Variants in PARD3 observed in about 807,000 individuals in gnomAD.
The protein encoded by PARD3 is par-3 family cell polarity regulator, also known as partitioning defective 3 homolog.
Under a neutral mutation model 155.4 loss-of-function variants are expected in PARD3, and 75 were observed. The observed-to-expected ratio is 0.48, with a 90% CI of 0.40 to 0.58. PARD3 has a LOEUF of 0.58. PARD3 is among the 20% of genes least tolerant of loss of function. The pLI is 0.00. For synonymous variants in PARD3, 576 were observed against 610.5 expected (o/e 0.94, Z 0.83); for missense variants, 1,642 against 1,721.7 (o/e 0.95, Z 0.82).
Position 34,470,278 on chromosome 10 carries a change from G to A in PARD3, c.404-15C>T. 1.3e-6 allele frequency: 2 copies of A among 1,540,092 alleles called. No individual in the cohort carries two copies. Among genetic ancestry groups the A allele is most frequent in the East Asian group, 2.4e-5 (1 of 42,504 alleles). ...AAGAGGCATATCTGTAAACACAAAAGCACTATGCTGAAAAATAAGATACTA... is the reference window on the plus strand; with the variant it reads ...AAGAGGCATATCTGTAAACACAAAAACACTATGCTGAAAAATAAGATACTA... On this transcript the variant is annotated splice_polypyrimidine_tract_variant and intron_variant, in intron 3 of 24. Coordinates refer to ENST00000374788, the MANE Select transcript of PARD3 (RefSeq NM_001184785.2).
intron 22 of PARD3, among the ~76,000 whole-genome samples, chr10:34,204,602 G>C (rs1588747161): frequency 6.6e-6 from 1 of 152,160 alleles, no homozygotes; most frequent in African/African-American, 2.4e-5. Flanking sequence ...GACAAGGAAT[G>C]AATCTCTGGG....
chr10:34,189,315 G>A (rs1446307471), intron 22 of PARD3, among the ~76,000 whole-genome samples: 1 of 152,218 alleles, frequency 6.6e-6, no homozygotes, highest in Non-Finnish European at 1.5e-5. Context: ...GGGTAACAGA[G>A]CAAGACTCTA....
At chr10:34,548,947 C>G (rs1011817194) in intron 2 of PARD3, among the ~76,000 whole-genome samples, 1 of 152,218 alleles carries the variant, frequency 6.6e-6, no homozygotes, top group African/African-American at 2.4e-5. Flanking sequence ...TTACATCAGC[C>G]AGGTCCAAAC....
intron 2 of PARD3, among the ~76,000 whole-genome samples, chr10:34,626,383 G>C (rs2091982325): frequency 6.6e-6 from 1 of 152,084 alleles, no homozygotes; most frequent in African/African-American, 2.4e-5. Flanking sequence ...TGTCTTATCT[G>C]TTTCTCTCTC....
intron 5 of PARD3, among the ~76,000 whole-genome samples, chr10:34,426,060 T>C (rs2075586136): frequency 6.6e-6 from 1 of 152,298 alleles, no homozygotes; most frequent in Middle Eastern, 3.4e-3. Context: ...TAAAGAAATA[T>C]TTAACTGAGC....
In PARD3 at chr10:34,110,737, T is replaced by A. The variant is rs1390652787; in HGVS notation, c.*432A>T. Reference sequence around the variant, plus strand: ...CCAATTTTTGGTGTATGTCGCCCACTTTTCCTCCACCAGAGACTAAGATGT... The same window carrying A: ...CCAATTTTTGGTGTATGTCGCCCACATTTCCTCCACCAGAGACTAAGATGT... On this transcript the variant is annotated 3_prime_UTR_variant, in exon 25 of 25. Transcript: ENST00000374788. The A allele has an allele frequency of 6.5e-6, 1 of 154,164 alleles. No homozygotes were observed. The highest frequency in any genetic ancestry group is 1.4e-5 in the Non-Finnish European group (1 of 69,510). The allele number at this position is 154,164 out of a possible 1,614,324, so 9.5% of individuals were successfully genotyped here.
intron 7 of PARD3, among the ~76,000 whole-genome samples, chr10:34,387,583 T>C (rs1238467719): frequency 3.3e-5 from 5 of 152,018 alleles, no homozygotes; most frequent in Non-Finnish European, 5.9e-5. Flanking sequence ...CCTGGCTAGT[T>C]TGTTTGTTTG....
intron 6 of PARD3, among the ~76,000 whole-genome samples, chr10:34,400,655 C>T (rs1843782333): frequency 6.6e-6 from 1 of 152,024 alleles, no homozygotes; most frequent in South Asian, 2.1e-4. Context: ...AATTATGTTT[C>T]TAATATAAAA....
chr10:34,470,124 C>T lies in PARD3; in HGVS notation c.543G>A (p.Lys181=), dbSNP rs1564748641. 1 of 1,612,842 alleles carries T rather than the reference C, an allele frequency of 6.2e-7. No individual in the cohort carries two copies. Residue 181 remains lysine (K), a synonymous_variant, in exon 4 of 25, where the codon AAG becomes AAA. Coordinates refer to ENST00000374788, the MANE Select transcript of PARD3 (RefSeq NM_001184785.2). Reference sequence around the variant, plus strand: ...TTTTAGGACTCCCAGCAGTGTTCTGCTTGAGGAAGCCAGCTGTTGTTGACC... The same window carrying T: ...TTTTAGGACTCCCAGCAGTGTTCTGTTTGAGGAAGCCAGCTGTTGTTGACC... ...TRWSTTAGFL[K]QNTAGSPKTC... is the part of the protein sequence containing the mutation.
chr10:34,714,591 T>C (rs961247226), intron 1 of PARD3, among the ~76,000 whole-genome samples: 26 of 152,124 alleles, frequency 1.7e-4, no homozygotes, highest in African/African-American at 6.3e-4. Context: ...GAGGGGCCTG[T>C]TCCCAATGTC....
At chr10:34,655,385 T>A (rs565075376) in intron 2 of PARD3, among the ~76,000 whole-genome samples, 1 of 152,142 alleles carries the variant, frequency 6.6e-6, no homozygotes, top group Non-Finnish European at 1.5e-5. Context: ...TAACACACAA[T>A]AAGCACTGCC....
chr10:34,329,239 A>G (rs1318539104), intron 19 of PARD3, among the ~76,000 whole-genome samples: 1 of 152,176 alleles, frequency 6.6e-6, no homozygotes, highest in African/African-American at 2.4e-5. Flanking sequence ...ATCTCCTGTT[A>G]CATTTGAAAT....
intron 1 of PARD3, among the ~76,000 whole-genome samples, chr10:34,735,855 T>A (rs886630153): frequency 3.3e-5 from 5 of 152,268 alleles, no homozygotes; most frequent in Non-Finnish European, 5.9e-5. Context: ...GAAATATTTT[T>A]TATATATATG....
At chr10:34,193,680 C>T (rs1457505143) in intron 22 of PARD3, among the ~76,000 whole-genome samples, 2 of 152,170 alleles carry the variant, frequency 1.3e-5, no homozygotes, top group Non-Finnish European at 2.9e-5. Flanking sequence ...ATGACTTTCG[C>T]TTCAGTTAAT....
At chr10:34,322,204 G>A (rs931383796) in intron 19 of PARD3, among the ~76,000 whole-genome samples, 7 of 152,180 alleles carry the variant, frequency 4.6e-5, no homozygotes, top group African/African-American at 1.7e-4. Context: ...TGCTTAGGGA[G>A]AGGGCTCATT....
At chr10:34,261,237 G>A (rs1195398718) in intron 22 of PARD3, among the ~76,000 whole-genome samples, 2 of 151,906 alleles carry the variant, frequency 1.3e-5, no homozygotes, top group Non-Finnish European at 2.9e-5. Context: ...TCTGGTCTCT[G>A]GATATAAAAA....
chr10:34,400,048 C>T (rs1225440435), intron 6 of PARD3, among the ~76,000 whole-genome samples: 5 of 152,182 alleles, frequency 3.3e-5, no homozygotes, highest in Admixed American at 6.5e-5. Flanking sequence ...TTTCCTAAAC[C>T]GCTATAAGAG....
At chr10:34,148,514 G>A (rs1324005252) in intron 22 of PARD3, among the ~76,000 whole-genome samples, 3 of 151,960 alleles carry the variant, frequency 2.0e-5, no homozygotes, top group Non-Finnish European at 4.4e-5. Context: ...CCACAACATT[G>A]TTTCTATAGG....
At chr10:34,383,013 A>G (rs1842008821) in intron 8 of PARD3, 91 bp from the exon 9 acceptor site, 1 of 1,371,778 alleles carries the variant, frequency 7.3e-7, no homozygotes, top group East Asian at 2.3e-5. Flanking sequence ...ATTAAGCAAT[A>G]AGAACTGACA....
Sources: allele counts gnomAD v4.1 joint callset (sites outside exome capture counted in the v4.1 genomes callset), GRCh38; gene constraint gnomAD v4.1.1; transcripts MANE v1.5; gene names NCBI Gene and HGNC (gene_info 2026-07-23, HGNC 2026-07-21).